The following SLC9B1 variants were observed in gnomAD, a reference collection of about 807,000 sequenced individuals.
The protein encoded by SLC9B1 is solute carrier family 9 member B1, also known as sodium/hydrogen exchanger 9B1.
A neutral mutation model predicts 51.7 loss-of-function variants in SLC9B1; 32 were observed. The ratio of observed to expected loss-of-function variants is 0.62; its 90% CI spans 0.47 to 0.83. SLC9B1 has a LOEUF of 0.83. Ranked by LOEUF, SLC9B1 falls within the 40% of genes least tolerant of loss-of-function variation. SLC9B1 has a pLI of 0.00. For missense variants in SLC9B1, 406 were observed against 613.2 expected (o/e 0.66, Z 3.57); for synonymous variants, 145 against 212.7 (o/e 0.68, Z 2.77).
intron 3 of SLC9B1, among the ~76,000 whole-genome samples, chr4:102,985,251 A>G (rs1288591967): frequency 6.6e-6 from 1 of 152,200 alleles, no homozygotes; most frequent in Non-Finnish European, 1.5e-5. Flanking sequence ...GACCCACTCT[A>G]GCAATCTCTG....
chr4:102,935,556 T>C lies in SLC9B1; in HGVS notation c.654-3257A>G, dbSNP rs566766518. Among the ~76,000 whole-genome samples, 535 of 152,314 alleles carry C rather than the reference T, an allele frequency of 3.5e-3. 1 individual carries two copies. Among genetic ancestry groups the C allele is most frequent in the Non-Finnish European group, 6.1e-3 (416 of 68,022 alleles). On this transcript the variant is annotated intron_variant, in intron 6 of 11. Transcript: ENST00000296422. ...ATAACATTGTAAATAAAATCTGCTG[T>C]TGACATACAATGTAGTCTTATACAA...
At chr4:102,962,882 A>G in intron 3 of SLC9B1, 1 of 470,658 alleles carries the variant, frequency 2.1e-6, no homozygotes, top group East Asian at 6.9e-5. Flanking sequence ...GGAGAAGTTC[A>G]TAATAGATGT....
chr4:102,921,135 GAA>G (rs1735853345), intron 7 of SLC9B1, among the ~76,000 whole-genome samples: 1 of 152,162 alleles, frequency 6.6e-6, no homozygotes, highest in South Asian at 2.1e-4. Context: ...TGAAATGAAG[GAA>G]AAAGTGTTAA....
chr4:102,932,384 A>T, intron 6 of SLC9B1, 85 bp from the exon 7 acceptor site: 1 of 1,175,212 alleles, frequency 8.5e-7, no homozygotes, highest in South Asian at 1.5e-5. Context: ...TAATAACTTT[A>T]TAACAAACAT....
At chr4:102,960,892 C>A (rs1738076756) in intron 3 of SLC9B1, among the ~76,000 whole-genome samples, 1 of 151,920 alleles carries the variant, frequency 6.6e-6, no homozygotes, top group South Asian at 2.1e-4. Flanking sequence ...AGCACCATAC[C>A]CGGCTAATTT....
intron 6 of SLC9B1, among the ~76,000 whole-genome samples, chr4:102,940,437 A>G (rs1408577639): frequency 1.3e-5 from 2 of 152,170 alleles, no homozygotes; most frequent in African/African-American, 4.8e-5. Context: ...GCCTAAGGCT[A>G]TTTACAGAGT....
At chr4:102,949,498 T>G in intron 3 of SLC9B1, 71 bp from the exon 4 acceptor site, 1 of 1,251,384 alleles carries the variant, frequency 8.0e-7, no homozygotes, top group Admixed American at 2.9e-5. Flanking sequence ...GGATCAATTC[T>G]CTTTTATCAT....
chr4:102,958,516 T>C (rs528590356), intron 3 of SLC9B1, among the ~76,000 whole-genome samples: 7 of 152,332 alleles, frequency 4.6e-5, no homozygotes, highest in Admixed American at 4.6e-4. Flanking sequence ...CCAGGTGTGA[T>C]GACACATGCC....
At chr4:102,894,173 A>C (rs1294681437) in intron 11 of SLC9B1, among the ~76,000 whole-genome samples, 2 of 152,222 alleles carry the variant, frequency 1.3e-5, no homozygotes, top group African/African-American at 2.4e-5. Context: ...ATCCACTCCT[A>C]ATGAAGATTC....
intron 4 of SLC9B1, among the ~76,000 whole-genome samples, chr4:102,948,592 A>C (rs1334374065): frequency 6.6e-6 from 1 of 152,214 alleles, no homozygotes; most frequent in Non-Finnish European, 1.5e-5. Flanking sequence ...GACTAAATAA[A>C]GAAAATGTGG....
At chr4:102,924,414 G>T (rs1736051500) in intron 7 of SLC9B1, among the ~76,000 whole-genome samples, 1 of 152,112 alleles carries the variant, frequency 6.6e-6, no homozygotes, top group Non-Finnish European at 1.5e-5. Context: ...ATTCAAGATG[G>T]ATTAAAGACT....
chr4:102,960,740 T>C (rs181766937), intron 3 of SLC9B1, among the ~76,000 whole-genome samples: 192 of 151,840 alleles, frequency 1.3e-3, no homozygotes, highest in African/African-American at 3.1e-3. Context: ...TTCTTTCTTT[T>C]TTTTTTTTTG....
intron 3 of SLC9B1, chr4:102,962,203 A>T (rs531918489): frequency 1.0e-4 from 55 of 525,820 alleles, no homozygotes; most frequent in South Asian, 7.7e-4. Flanking sequence ...TCAGAGAGTC[A>T]GCAAAGGTAG....
At chr4:102,958,750 G>C (rs1383766460) in intron 3 of SLC9B1, among the ~76,000 whole-genome samples, 1 of 152,008 alleles carries the variant, frequency 6.6e-6, no homozygotes, top group East Asian at 1.9e-4. Context: ...GTGAAACCCC[G>C]TGTCTACTAA....
At chr4:102,937,813 G>T (rs1467151932) in intron 6 of SLC9B1, among the ~76,000 whole-genome samples, 1 of 150,550 alleles carries the variant, frequency 6.6e-6, no homozygotes, top group African/African-American at 2.4e-5. Flanking sequence ...ATCCTTTTCA[G>T]ACAAACAAAT....
intron 11 of SLC9B1, 82 bp downstream of exon 11, chr4:102,905,432 G>T: frequency 2.2e-6 from 3 of 1,359,098 alleles, no homozygotes; most frequent in Admixed American, 3.9e-5. Context: ...CTCATATTTT[G>T]TGACTAGAGT....
At chr4:102,984,367 C>T (rs903227608) in intron 3 of SLC9B1, among the ~76,000 whole-genome samples, 1 of 152,120 alleles carries the variant, frequency 6.6e-6, no homozygotes, top group African/African-American at 2.4e-5. Flanking sequence ...CTGCCTGCCT[C>T]GGCCTAGCAG....
In SLC9B1 at chr4:102,949,940, G is replaced by C. The variant is rs565511864; in HGVS notation, c.212-513C>G. Reference sequence around the variant, plus strand: ...TGTGCCACTGCATTCCAGCCTGTGTGACAGAGTGAGACTCAGTCTCAATAA... The same window carrying C: ...TGTGCCACTGCATTCCAGCCTGTGTCACAGAGTGAGACTCAGTCTCAATAA... On this transcript the variant is annotated intron_variant, in intron 3 of 11. Coordinates refer to ENST00000296422, the MANE Select transcript of SLC9B1 (RefSeq NM_139173.4). Among the ~76,000 whole-genome samples, 198 of 151,890 alleles carry C rather than the reference G, an allele frequency of 1.3e-3. 1 individual carries two copies. Among genetic ancestry groups the C allele is most frequent in the African/African-American group, 4.7e-3 (195 of 41,392 alleles).
At chr4:103,014,519 G>C (rs760605011) in intron 1 of SLC9B1, among the ~76,000 whole-genome samples, 1 of 152,152 alleles carries the variant, frequency 6.6e-6, no homozygotes, top group Non-Finnish European at 1.5e-5. Flanking sequence ...GCACGTTTAG[G>C]ATGTGAGAGA....
Sources: gnomAD v4.1 joint callset for allele counts (sites outside exome capture counted in the v4.1 genomes callset) on GRCh38, gnomAD v4.1.1 for gene constraint, MANE v1.5 for transcripts, NCBI Gene and HGNC (gene_info 2026-07-23, HGNC 2026-07-21) for gene names.